The following SNTG2 variants were observed in gnomAD, a reference collection of about 807,000 sequenced individuals.
The protein encoded by SNTG2 is syntrophin gamma 2.
Under a neutral mutation model 70.9 loss-of-function variants are expected in SNTG2, and 74 were observed. The ratio of observed to expected loss-of-function variants is 1.04; its 90% CI spans 0.86 to 1.27. SNTG2 has a LOEUF of 1.27. SNTG2 is among the 50% of genes most tolerant of loss of function. The probability of loss-of-function intolerance (pLI) is 0.00; values close to 1 mark genes in which losing one functional copy is unlikely to be tolerated. For missense variants in SNTG2, 717 were observed against 690.7 expected (o/e 1.04, Z -0.43); for synonymous variants, 278 against 273.8 (o/e 1.02, Z -0.15).
intron 1 of SNTG2, among the ~76,000 whole-genome samples, chr2:985,498 A>T (rs765494869): frequency 6.6e-6 from 1 of 152,108 alleles, no homozygotes; most frequent in Non-Finnish European, 1.5e-5. Flanking sequence ...GCAGCTCCCC[A>T]GCTCCCCCTC....
chr2:1,027,381 G>C (rs1367591057), intron 1 of SNTG2, among the ~76,000 whole-genome samples: 1 of 151,576 alleles, frequency 6.6e-6, no homozygotes, highest in Non-Finnish European at 1.5e-5. Flanking sequence ...ACACTACCCA[G>C]CAAGTAACTC....
rs376346013 is a variant in SNTG2, at chr2:1,222,113, C to G, written c.719+12883C>G. Among the ~76,000 whole-genome samples, 4 of 81,728 alleles carry G rather than the reference C, an allele frequency of 4.9e-5. 1 individual carries two copies. The allele number at this position is 81,728 out of a possible 152,430, so 53.6% of individuals were successfully genotyped here. ...TCTCTCTGTCTCTCTCTGTCTCTCTCTGTCTCTCTCTGTCTCTCTCTGTCT... is the reference window on the plus strand; with the variant it reads ...TCTCTCTGTCTCTCTCTGTCTCTCTGTGTCTCTCTCTGTCTCTCTCTGTCT... On this transcript the variant is annotated intron_variant, in intron 9 of 16. Transcript: ENST00000308624.
intron 14 of SNTG2, among the ~76,000 whole-genome samples, chr2:1,270,783 A>G (rs931144762): frequency 6.6e-6 from 1 of 152,140 alleles, no homozygotes; most frequent in Non-Finnish European, 1.5e-5. Flanking sequence ...AGTTTTTTCT[A>G]CTATTTCCTG....
chr2:1,156,816 G>A (rs62106020), intron 6 of SNTG2, among the ~76,000 whole-genome samples: 22,046 of 151,960 alleles, frequency 0.15, 2,776 homozygotes, highest in African/African-American at 0.33. Context: ...ACGGGCCTGC[G>A]GTGAAAGAGG....
intron 1 of SNTG2, among the ~76,000 whole-genome samples, chr2:989,538 A>G (rs975507308): frequency 2.6e-5 from 4 of 152,234 alleles, no homozygotes; most frequent in African/African-American, 9.6e-5. Flanking sequence ...AACGTGCAAT[A>G]CTGGTGTAAC....
intron 16 of SNTG2, among the ~76,000 whole-genome samples, chr2:1,319,341 G>A (rs1220668380): frequency 6.6e-6 from 1 of 152,156 alleles, no homozygotes; most frequent in Non-Finnish European, 1.5e-5. Context: ...TAAACAATTT[G>A]TGGAAATTTT....
chr2:999,239 A>T (rs1416845422), intron 1 of SNTG2, among the ~76,000 whole-genome samples: 1 of 152,120 alleles, frequency 6.6e-6, no homozygotes, highest in Non-Finnish European at 1.5e-5. Context: ...GAGACTACAA[A>T]GCAACTAGGG....
chr2:1,273,406 T>C (rs1368826426), intron 14 of SNTG2, among the ~76,000 whole-genome samples: 3 of 152,310 alleles, frequency 2.0e-5, no homozygotes, highest in Middle Eastern at 3.4e-3. Flanking sequence ...TTGCTTGATA[T>C]CAGGTGCAAC....
intron 4 of SNTG2, among the ~76,000 whole-genome samples, chr2:1,124,472 AT>A (rs1341602023): frequency 6.6e-6 from 1 of 151,592 alleles, no homozygotes; most frequent in East Asian, 1.9e-4. Flanking sequence ...TTTTTTTTGT[AT>A]TTTTAGTAGA....
intron 16 of SNTG2, 125 bp from the exon 17 acceptor site, chr2:1,367,218 C>T: frequency 1.2e-6 from 1 of 861,386 alleles, no homozygotes. Context: ...TACATATTTC[C>T]TGTCTATTAT....
In SNTG2 at chr2:1,364,760, A is replaced by T. The variant is rs1329978205; in HGVS notation, c.1489-2583A>T. On this transcript the variant is annotated intron_variant, in intron 16 of 16. Transcript: ENST00000308624. ...ACCAAAAAAAAAAAAAAAAAAAAAA[A>T]TTAGCTGGGTGTGGTCACAGGCACC... Among the ~76,000 whole-genome samples the T allele has an allele frequency of 1.8e-4, 23 of 127,720 alleles. 1 individual carries two copies. 83.8% of individuals were successfully genotyped at this position (127,720 alleles called of 152,430 possible).
At chr2:1,185,235 C>T (rs7602330) in intron 8 of SNTG2, among the ~76,000 whole-genome samples, 51,234 of 151,884 alleles carry the variant, frequency 0.34, 9,064 homozygotes, top group East Asian at 0.65. Flanking sequence ...TGCTGTGGCT[C>T]TCAAAGGCTC....
chr2:1,019,398 A>C (rs1572229677), intron 1 of SNTG2, among the ~76,000 whole-genome samples: 2 of 152,262 alleles, frequency 1.3e-5, no homozygotes, highest in Admixed American at 1.3e-4. Context: ...GGAAGGGGAC[A>C]AACTGGAGCT....
intron 1 of SNTG2, among the ~76,000 whole-genome samples, chr2:1,083,097 CT>C (rs1664442187): frequency 6.6e-6 from 1 of 152,062 alleles, no homozygotes; most frequent in Non-Finnish European, 1.5e-5. Context: ...TCCTTTCCTA[CT>C]CCAGGCCAAC....
intron 4 of SNTG2, among the ~76,000 whole-genome samples, chr2:1,099,626 G>A (rs1665640023): frequency 1.3e-5 from 2 of 152,042 alleles, no homozygotes; most frequent in Non-Finnish European, 2.9e-5. Context: ...CTGAAGGTGG[G>A]TGCAGTGAGG....
chr2:1,277,892 C>T (rs982970511), intron 14 of SNTG2, among the ~76,000 whole-genome samples: 1 of 152,194 alleles, frequency 6.6e-6, no homozygotes, highest in Non-Finnish European at 1.5e-5. Flanking sequence ...AGTGTCCGGC[C>T]CCACTCCAGG....
intron 1 of SNTG2, among the ~76,000 whole-genome samples, chr2:990,153 A>C (rs1661443243): frequency 6.6e-6 from 1 of 152,250 alleles, no homozygotes; most frequent in African/African-American, 2.4e-5. Context: ...TACTAAAGGC[A>C]AAGAGCTCAT....
At chr2:1,251,631 CACACCACACAA>C in intron 12 of SNTG2, among the ~76,000 whole-genome samples, 1 of 147,662 alleles carries the variant, frequency 6.8e-6, no homozygotes, top group South Asian at 2.2e-4. Flanking sequence ...ACACCGCACA[CACACCACACAA>C]ACCCCACACA....
At chr2:1,078,453 T>C (rs1572377919) in intron 1 of SNTG2, among the ~76,000 whole-genome samples, 1 of 151,970 alleles carries the variant, frequency 6.6e-6, no homozygotes, top group South Asian at 2.1e-4. Context: ...GTGGGGCAGG[T>C]GGACAGACCC....
Sources: gnomAD v4.1 joint callset for allele counts (sites outside exome capture counted in the v4.1 genomes callset) on GRCh38, gnomAD v4.1.1 for gene constraint, MANE v1.5 for transcripts, NCBI Gene and HGNC (gene_info 2026-07-23, HGNC 2026-07-21) for gene names.